The following ZCCHC14 variants were observed in gnomAD, a reference collection of about 807,000 sequenced individuals.
ZCCHC14 encodes zinc finger CCHC-type containing 14.
ZCCHC14 carries 16 observed loss-of-function variants against 85.0 expected under a neutral mutation model. The observed-to-expected ratio is 0.19, with a 90% CI of 0.13 to 0.29. ZCCHC14 has a LOEUF of 0.29. Among genes scored for constraint, ZCCHC14 ranks in the 10% least tolerant of loss-of-function variants. The pLI is 1.00. For missense variants in ZCCHC14, 1,303 were observed against 1,443.5 expected (o/e 0.90, Z 1.58); for synonymous variants, 775 against 630.7 (o/e 1.23, Z -3.43).
chr16:87,469,911 G>A (rs1338594102), intron 1 of ZCCHC14, among the ~76,000 whole-genome samples: 2 of 152,200 alleles, frequency 1.3e-5, no homozygotes, highest in South Asian at 2.1e-4. Context: ...TTCTCAAGTA[G>A]AGACTTTACC....
intron 5 of ZCCHC14, 58 bp from the exon 6 acceptor site, chr16:87,419,935 G>T (rs1325999693): frequency 1.4e-6 from 2 of 1,452,874 alleles, no homozygotes; most frequent in African/African-American, 2.9e-5. Context: ...CTGACGAATT[G>T]AAAGAAAAAA....
At position 87,412,479 on chromosome 16, in the gene ZCCHC14, G is replaced by A; in HGVS notation, c.2242C>T (p.Gln748Ter). Reference sequence around the variant, plus strand: ...CTGGTCTCCACGACCAGGGCCGGTTGCTGTGCTGTCTTCAGCACCCTGTCC... The same window carrying A: ...CTGGTCTCCACGACCAGGGCCGGTTACTGTGCTGTCTTCAGCACCCTGTCC... ...TLDRVLKTAQ[Q>*]PALVVETSTA... The change falls in exon 12 of 13, where the codon CAA (glutamine) becomes TAA (stop). Residue 748 changes from glutamine to a stop codon, truncating the protein, a stop_gained. Transcript: ENST00000671377. LOFTEE classifies it high-confidence loss of function. 1 of 1,613,944 alleles carries A rather than the reference G, an allele frequency of 6.2e-7. No homozygotes were observed. The highest frequency in any genetic ancestry group is 8.5e-7 in the Non-Finnish European group (1 of 1,179,972).
chr16:87,443,597 T>C (rs886282326), intron 2 of ZCCHC14, among the ~76,000 whole-genome samples: 1 of 151,936 alleles, frequency 6.6e-6, no homozygotes, highest in Non-Finnish European at 1.5e-5. Flanking sequence ...ATTAGCTGGG[T>C]GTGGTGGTAC....
At position 87,411,756 on chromosome 16, in the gene ZCCHC14, C is replaced by T. The variant is rs370428591; in HGVS notation, c.2965G>A (p.Ala989Thr). ...GGGSTFPVVH[A>T]PYSSSGTPDP... ...GGGGTCCCGCTGCTGCTGTAAGGGGCGTGCACGACGGGGAAGGTGGAGCCG... is the reference window on the plus strand; with the variant it reads ...GGGGTCCCGCTGCTGCTGTAAGGGGTGTGCACGACGGGGAAGGTGGAGCCG... The change falls in exon 12 of 13, where the codon GCC becomes ACC. Residue 989 changes from alanine to threonine, a missense_variant. Ala to Thr is a moderately conservative substitution (Grantham distance 58). Around this residue, in one of 7 missense-constraint regions of ZCCHC14, gnomAD observed 797 missense variants for 730.8 expected, o/e 1.09. Transcript: ENST00000671377. The T allele has an allele frequency of 1.2e-5, 20 of 1,612,280 alleles. No homozygotes were observed. Among genetic ancestry groups the T allele is most frequent in the South Asian group, 1.1e-4 (10 of 91,046 alleles).
intron 1 of ZCCHC14, chr16:87,474,229 C>A (rs1476788142): frequency 6.6e-6 from 1 of 152,374 alleles, no homozygotes; most frequent in African/African-American, 2.4e-5. Context: ...CCGTGGCTGA[C>A]CGCCACCAGG....
At chr16:87,474,937 T>C (rs936354606) in intron 1 of ZCCHC14, among the ~76,000 whole-genome samples, 1 of 152,106 alleles carries the variant, frequency 6.6e-6, no homozygotes, top group African/African-American at 2.4e-5. Context: ...GGAGTTTGAG[T>C]CCAGCCAAAC....
chr16:87,439,353 T>C (rs529894847), intron 2 of ZCCHC14, among the ~76,000 whole-genome samples: 2 of 152,226 alleles, frequency 1.3e-5, no homozygotes, highest in South Asian at 4.1e-4. Context: ...CAGGCTGGCC[T>C]CAATCTCCTG....
At position 87,445,496 on chromosome 16, in the gene ZCCHC14, CTGTGT is replaced by C. The variant is rs1277983405; in HGVS notation, c.695-12300_695-12296del. On this transcript the variant is annotated intron_variant, in intron 2 of 12. Transcript: ENST00000671377. ...TCTTTCTTTCTGTTAATTATGATTGCTGTGTTATCTTCCTGTATTTTGTTTTTACT... is the reference window on the plus strand; with the variant it reads ...TCTTTCTTTCTGTTAATTATGATTGCTATCTTCCTGTATTTTGTTTTTACT... 2.6e-5 allele frequency among the ~76,000 whole-genome samples: 4 copies of C among 152,148 alleles called. No homozygotes were observed. In the East Asian group the frequency reaches 7.7e-4, roughly 29 times the overall value.
intron 4 of ZCCHC14, among the ~76,000 whole-genome samples, chr16:87,423,037 A>G (rs1300196477): frequency 6.6e-6 from 1 of 152,224 alleles, no homozygotes; most frequent in East Asian, 1.9e-4. Context: ...CCTTGGCTTT[A>G]TAATGAAAAG....
chr16:87,479,749 T>C (rs8048872), intron 1 of ZCCHC14, among the ~76,000 whole-genome samples: 151,413 of 152,234 alleles, frequency 0.99, 75,308 homozygotes, highest in Middle Eastern at 1. Flanking sequence ...CTCATCCACA[T>C]ACATGCCTCC....
At chr16:87,484,200 A>C (rs1483842931) in intron 1 of ZCCHC14, among the ~76,000 whole-genome samples, 1 of 152,224 alleles carries the variant, frequency 6.6e-6, no homozygotes, top group Non-Finnish European at 1.5e-5. Flanking sequence ...GTGAAATAAA[A>C]GTTATCAACA....
At chr16:87,458,767 G>A (rs1414007263) in intron 2 of ZCCHC14, among the ~76,000 whole-genome samples, 2 of 152,196 alleles carry the variant, frequency 1.3e-5, no homozygotes, top group African/African-American at 4.8e-5. Flanking sequence ...CTCACGTGGC[G>A]CACCTGCTAG....
chr16:87,489,042 C>G (rs1446373644), intron 1 of ZCCHC14, among the ~76,000 whole-genome samples: 1 of 152,188 alleles, frequency 6.6e-6, no homozygotes, highest in Non-Finnish European at 1.5e-5. Context: ...CAGGAATACA[C>G]CAAACGTTAG....
rs769640915 is a variant in ZCCHC14, at chr16:87,433,167, T to C, written c.729A>G (p.Ser243=). ...CAACATTTCTGTCATTTTTTGTGTGTGATAATCCCTTCAGGTCTATCTTTT... is the reference window on the plus strand; with the variant it reads ...CAACATTTCTGTCATTTTTTGTGTGCGATAATCCCTTCAGGTCTATCTTTT... The part of the protein sequence containing the change: ...SVEKIDLKGL[S]HTKNDRNVEC... The change falls in exon 3 of 13, where the codon TCA becomes TCG. Residue 243 remains serine, a synonymous_variant. Coordinates refer to ENST00000671377, the MANE Select transcript of ZCCHC14 (RefSeq NM_015144.3). The C allele has an allele frequency of 3.7e-6, 6 of 1,614,108 alleles. No homozygotes were observed. The highest frequency in any genetic ancestry group is 5.1e-6 in the Non-Finnish European group (6 of 1,180,054).
At chr16:87,481,148 C>T (rs112012576) in intron 1 of ZCCHC14, among the ~76,000 whole-genome samples, 164 of 152,048 alleles carry the variant, frequency 1.1e-3, no homozygotes, top group Non-Finnish European at 1.9e-3. Context: ...AGGGTTACAG[C>T]GGGCAGACCC....
At chr16:87,471,049 C>T (rs537241107) in intron 1 of ZCCHC14, 2 of 152,214 alleles carry the variant, frequency 1.3e-5, no homozygotes, top group African/African-American at 4.8e-5. Context: ...CCACACATAT[C>T]TCGAGGGCCG....
At chr16:87,444,599 G>A (rs1404024157) in intron 2 of ZCCHC14, among the ~76,000 whole-genome samples, 2 of 152,178 alleles carry the variant, frequency 1.3e-5, no homozygotes, top group African/African-American at 2.4e-5. Context: ...CCACCCGACA[G>A]GACACAGTGA....
chr16:87,485,992 C>A (rs1270396154), intron 1 of ZCCHC14, among the ~76,000 whole-genome samples: 4 of 152,192 alleles, frequency 2.6e-5, no homozygotes, highest in Non-Finnish European at 5.9e-5. Context: ...AAATATGACA[C>A]AGAATTTCCA....
intron 1 of ZCCHC14, among the ~76,000 whole-genome samples, chr16:87,488,233 T>G (rs1912602372): frequency 6.6e-6 from 1 of 152,228 alleles, no homozygotes; most frequent in Admixed American, 6.5e-5. Context: ...GGATTTATTT[T>G]AACTATTTCC....
Sources: gnomAD v4.1 joint callset for allele counts (sites outside exome capture counted in the v4.1 genomes callset) on GRCh38, gnomAD v4.1.1 for gene constraint, gnomAD v4.1.1 regional missense constraint, MANE v1.5 for transcripts, NCBI Gene and HGNC (gene_info 2026-07-23, HGNC 2026-07-21) for gene names.